CELF2: variants seen among roughly 807,000 people sequenced by gnomAD.
The protein encoded by CELF2 is CUG triplet repeat RNA-binding protein 2.
In CELF2, 8 loss-of-function variants were observed where a neutral mutation model predicts 62.6. The ratio of observed to expected loss-of-function variants is 0.13; its 90% CI spans 0.07 to 0.23. The LOEUF (loss-of-function observed/expected upper bound fraction) is 0.23, where lower values mean the gene tolerates loss of function less well. Ranked by LOEUF, CELF2 falls within the 10% of genes least tolerant of loss-of-function variation. The probability of loss-of-function intolerance (pLI) is 1.00; values close to 1 mark genes in which losing one functional copy is unlikely to be tolerated. For missense variants in CELF2, 333 were observed against 671.0 expected (o/e 0.50, Z 5.56); for synonymous variants, 258 against 250.0 (o/e 1.03, Z -0.30).
At chr10:10,901,602 CAA>C (rs1466051933) in intron 1 of CELF2, among the ~76,000 whole-genome samples, 3 of 152,242 alleles carry the variant, frequency 2.0e-5, no homozygotes, top group South Asian at 2.1e-4. Context: ...ACTGAGTAGG[CAA>C]AGAGTTCCTA....
Position 11,177,701 on chromosome 10 carries a change from A to G in CELF2, c.271+12019A>G, listed in dbSNP as rs1262245919. Among the ~76,000 whole-genome samples the G allele has an allele frequency of 6.6e-6, 1 of 152,316 alleles. No individual in the cohort carries two copies. Among genetic ancestry groups the G allele is most frequent in the African/African-American group, 2.4e-5 (1 of 41,568 alleles). ...GATAGTCAAGGCTTCTCCAGTAGAA[A>G]GTTAGGTTTTGTAATAAGGGACCAT... On this transcript the variant is annotated intron_variant, in intron 2 of 12. Coordinates refer to ENST00000633077, the MANE Select transcript of CELF2 (RefSeq NM_001326342.2). The surrounding 1 kb of genome is among the most constrained non-coding windows in gnomAD (Gnocchi z 4.8).
chr10:10,666,670 GGC>G, the CELF2 span, among the ~76,000 whole-genome samples: 1 of 79,718 alleles, frequency 1.3e-5, no homozygotes, highest in Non-Finnish European at 2.4e-5. Context: ...AGACCATTCT[GGC>G]TAACACGGTG....
In CELF2 at chr10:11,285,468, TGAA is replaced by T. The variant is rs2090915363; in HGVS notation, c.842-2947_842-2945del. 6.6e-6 allele frequency among the ~76,000 whole-genome samples: 1 copy of T among 151,916 alleles called. No individual in the cohort carries two copies. Among genetic ancestry groups the T allele is most frequent in the South Asian group, 2.1e-4 (1 of 4,808 alleles). ...GATGGTAAAGTGTGTGGAGGAGAAA[TGAA>T]GAGGAGGACACCCAGGCCCTTAGCC... On this transcript the variant is annotated intron_variant, in intron 8 of 12. Transcript: ENST00000633077. The surrounding 1 kb of genome is among the most constrained non-coding windows in gnomAD (Gnocchi z 4.3).
rs568129907 is a variant in CELF2 at position 11,127,784 on chromosome 10, C to G, written c.75-37702C>G. On this transcript the variant is annotated intron_variant, in intron 1 of 12. Coordinates refer to ENST00000633077, the MANE Select transcript of CELF2 (RefSeq NM_001326342.2). ...TATTTCTAGATTCTGGATATTAGCC[C>G]TTTGTCAGATGAGTAGATTGTAACA... Among the ~76,000 whole-genome samples the G allele has an allele frequency of 1.1e-4, 16 of 152,168 alleles. No homozygotes were observed. In the South Asian group the frequency reaches 3.3e-3, roughly 32 times the overall value.
the CELF2 span, among the ~76,000 whole-genome samples, chr10:10,623,480 C>T: frequency 3.3e-5 from 5 of 152,196 alleles, no homozygotes; most frequent in South Asian, 4.1e-4. Flanking sequence ...GGCATGAAGT[C>T]TCTTTCCCTT....
At chr10:11,100,587 A>G (rs2051303145) in intron 1 of CELF2, among the ~76,000 whole-genome samples, 1 of 151,990 alleles carries the variant, frequency 6.6e-6, no homozygotes, top group Non-Finnish European at 1.5e-5. Flanking sequence ...ATTCATTCTT[A>G]TATTTGAAAA....
upstream of CELF2, among the ~76,000 whole-genome samples, chr10:10,795,963 T>A (rs984524772): frequency 1.3e-5 from 2 of 151,960 alleles, no homozygotes; most frequent in Non-Finnish European, 2.9e-5. Flanking sequence ...CCCAACCCCA[T>A]CCCCACCCCA....
intron 8 of CELF2, among the ~76,000 whole-genome samples, chr10:11,282,332 A>T (rs991385030): frequency 2.0e-5 from 3 of 152,114 alleles, no homozygotes; most frequent in African/African-American, 7.2e-5. Context: ...GAGGACAGGC[A>T]CCCAGGGAAG....
chr10:10,686,048 C>T, the CELF2 span, among the ~76,000 whole-genome samples: 1 of 152,012 alleles, frequency 6.6e-6, no homozygotes. Flanking sequence ...TTTTCAGGAC[C>T]GTGCTGCTTA....
intron 1 of CELF2, among the ~76,000 whole-genome samples, chr10:11,093,640 A>G (rs757534865): frequency 1.3e-5 from 2 of 152,218 alleles, no homozygotes; most frequent in Non-Finnish European, 2.9e-5. Flanking sequence ...CTAATAATCT[A>G]CAACTATAAA....
At chr10:10,611,271 T>C in the CELF2 span, among the ~76,000 whole-genome samples, 1 of 152,100 alleles carries the variant, frequency 6.6e-6, no homozygotes, top group Non-Finnish European at 1.5e-5. Flanking sequence ...CTATCATGGG[T>C]CATAAAGAGC....
chr10:10,536,330 C>T, the CELF2 span, among the ~76,000 whole-genome samples: 12 of 152,252 alleles, frequency 7.9e-5, no homozygotes, highest in East Asian at 2.1e-3. Context: ...CTTTTGGAAT[C>T]TTATTGGAGT....
chr10:10,531,360 G>A, the CELF2 span, among the ~76,000 whole-genome samples: 6 of 152,250 alleles, frequency 3.9e-5, no homozygotes, highest in South Asian at 2.1e-4. Flanking sequence ...TTTTAATCAC[G>A]CTCTAAAACA....
At chr10:10,562,679 A>G in the CELF2 span, among the ~76,000 whole-genome samples, 3 of 147,178 alleles carry the variant, frequency 2.0e-5, no homozygotes, top group South Asian at 4.2e-4. Flanking sequence ...ACAAGCTTTG[A>G]CCCCTCACAG....
At position 11,243,466 on chromosome 10, in the gene CELF2, T is replaced by G. The variant is rs527870703; in HGVS notation, c.355-5687T>G. Among the ~76,000 whole-genome samples the G allele has an allele frequency of 6.6e-6, 1 of 152,086 alleles. No individual in the cohort carries two copies. Among genetic ancestry groups the G allele is most frequent in the Non-Finnish European group, 1.5e-5 (1 of 68,028 alleles). ...ATAGCAATGTGAACTTGAAGAAATG[T>G]GTGACATCCCGTTTACTCCCATCAA... is the stretch of plus-strand genomic sequence containing the variant. On this transcript the variant is annotated intron_variant, in intron 3 of 12. Transcript: ENST00000633077. The surrounding 1 kb of genome is among the most constrained non-coding windows in gnomAD (Gnocchi z 4.1).
chr10:10,894,068 A>G (rs2062361019), intron 1 of CELF2, among the ~76,000 whole-genome samples: 1 of 152,160 alleles, frequency 6.6e-6, no homozygotes. Context: ...AAGCTTACAG[A>G]CAATTTTAAC....
At chr10:10,857,774 C>A (rs1056022747) in intron 1 of CELF2, among the ~76,000 whole-genome samples, 1 of 148,934 alleles carries the variant, frequency 6.7e-6, no homozygotes, top group Admixed American at 6.7e-5. Flanking sequence ...GAAAAAGACC[C>A]AGTAAGGAGT....
At chr10:10,593,924 C>A in the CELF2 span, among the ~76,000 whole-genome samples, 1 of 152,146 alleles carries the variant, frequency 6.6e-6, no homozygotes, top group Non-Finnish European at 1.5e-5. Flanking sequence ...TTATAGTGAG[C>A]ATTACATATG....
chr10:11,273,279 G>A (rs1211199810), intron 7 of CELF2, among the ~76,000 whole-genome samples: 1 of 152,020 alleles, frequency 6.6e-6, no homozygotes, highest in Non-Finnish European at 1.5e-5. Flanking sequence ...CAGGAGAGGA[G>A]CGGCAGGCGA....
Sources: gnomAD v4.1 joint callset for allele counts (sites outside exome capture counted in the v4.1 genomes callset) on GRCh38, gnomAD v4.1.1 for gene constraint, Gnocchi (gnomAD v3.1) non-coding constraint, MANE v1.5 for transcripts, NCBI Gene and HGNC (gene_info 2026-07-23, HGNC 2026-07-21) for gene names.